Variants in SNTG2 observed in about 807,000 individuals in gnomAD.
SNTG2 encodes the protein gamma-2-syntrophin.
SNTG2 carries 74 observed loss-of-function variants against 70.9 expected under a neutral mutation model. The observed-to-expected ratio is 1.04, with a 90% CI of 0.86 to 1.27. The LOEUF (loss-of-function observed/expected upper bound fraction) is 1.27, where lower values mean the gene tolerates loss of function less well. Ranked by LOEUF, SNTG2 falls within the 50% of genes most tolerant of loss-of-function variation. The pLI, the probability that SNTG2 is intolerant of heterozygous loss-of-function variation, is 0.00. For missense variants in SNTG2, 717 were observed against 690.7 expected, an observed-to-expected ratio of 1.04 and a Z score of -0.43; for synonymous variants, 278 against 273.8, an observed-to-expected ratio of 1.02 and a Z score of -0.15.
rs1671927907 is a variant in SNTG2 at position 1,181,910 on chromosome 2, G to A, written c.591+8727G>A. On this transcript the variant is annotated intron_variant, in intron 8 of 16. Coordinates refer to ENST00000308624, the MANE Select transcript of SNTG2 (RefSeq NM_018968.4). ...ATCCTTACTAAACATTTATAATGAA[G>A]GAAAAATCCCACTCACATTAATATC... is the stretch of plus-strand genomic sequence containing the variant. 2.0e-5 allele frequency among the ~76,000 whole-genome samples: 3 copies of A among 152,094 alleles called. No individual in the cohort carries two copies. The South Asian group carries it at 6.2e-4, about 32-fold the overall frequency.
chr2:1,160,339 C>T (rs903179871), intron 6 of SNTG2: 3 of 152,018 alleles, frequency 2.0e-5, no homozygotes, highest in East Asian at 1.9e-4. Context: ...CTAGGGATCT[C>T]GTAGGTATAA....
At chr2:1,283,006 G>A (rs1237782326) in intron 14 of SNTG2, among the ~76,000 whole-genome samples, 1 of 152,194 alleles carries the variant, frequency 6.6e-6, no homozygotes, top group African/African-American at 2.4e-5. Context: ...GCCACGGAAG[G>A]TGAGTAGCTA....
At chr2:995,223 T>C (rs1426946319) in intron 1 of SNTG2, among the ~76,000 whole-genome samples, 2 of 152,082 alleles carry the variant, frequency 1.3e-5, no homozygotes, top group Non-Finnish European at 2.9e-5. Context: ...TTTTATCAGA[T>C]TGAGGAAGTT....
chr2:1,219,436 T>C (rs1432029038), intron 9 of SNTG2, among the ~76,000 whole-genome samples: 1 of 152,198 alleles, frequency 6.6e-6, no homozygotes, highest in Non-Finnish European at 1.5e-5. Flanking sequence ...GAAATTCAGA[T>C]TTGAGTGATT....
intron 16 of SNTG2, among the ~76,000 whole-genome samples, chr2:1,355,762 T>C (rs1044685467): frequency 6.6e-6 from 1 of 152,168 alleles, no homozygotes; most frequent in African/African-American, 2.4e-5. Context: ...GAAACCCCCA[T>C]ACTATTCATA....
chr2:970,796 G>T (rs905872270), intron 1 of SNTG2, among the ~76,000 whole-genome samples: 15 of 151,724 alleles, frequency 9.9e-5, no homozygotes, highest in Non-Finnish European at 1.9e-4. Context: ...TAATGGGATG[G>T]CTGGGTCAAA....
chr2:1,263,444 A>T (rs1280620574), intron 13 of SNTG2, among the ~76,000 whole-genome samples: 2 of 152,190 alleles, frequency 1.3e-5, no homozygotes, highest in East Asian at 3.8e-4. Context: ...TGTTGCTATA[A>T]TTGTTTCATA....
chr2:1,209,272 C>A lies in SNTG2; in HGVS notation c.719+42C>A, dbSNP rs560068704. On this transcript the variant is annotated intron_variant, in intron 9 of 16. Transcript: ENST00000308624. Reference sequence around the variant, plus strand: ...TGAGATGGGAAACTTTGATGAACCCCGTGCACTTTTGCCAGTTCCTACAGG... The same window carrying A: ...TGAGATGGGAAACTTTGATGAACCCAGTGCACTTTTGCCAGTTCCTACAGG... 18 of 1,611,898 alleles carry A rather than the reference C, an allele frequency of 1.1e-5. 1 individual carries two copies. The Admixed American group carries it at 2.0e-4, about 18-fold the overall frequency.
At chr2:1,270,618 A>C (rs1678969254) in intron 14 of SNTG2, among the ~76,000 whole-genome samples, 2 of 152,200 alleles carry the variant, frequency 1.3e-5, no homozygotes, top group African/African-American at 4.8e-5. Flanking sequence ...CTGCTGAAAC[A>C]TTCAGCCTCA....
At chr2:1,010,309 A>G (rs186287555) in intron 1 of SNTG2, among the ~76,000 whole-genome samples, 216 of 152,340 alleles carry the variant, frequency 1.4e-3, no homozygotes, top group Admixed American at 2.7e-3. Context: ...GAGGGAATAG[A>G]TAACATAAAT....
intron 1 of SNTG2, among the ~76,000 whole-genome samples, chr2:985,183 G>T (rs1661263837): frequency 1.3e-5 from 2 of 152,040 alleles, no homozygotes; most frequent in Non-Finnish European, 2.9e-5. Flanking sequence ...AAAACAGCAC[G>T]GACTCCCCTC....
chr2:1,313,298 T>C (rs1205834276), intron 15 of SNTG2, among the ~76,000 whole-genome samples: 1 of 152,232 alleles, frequency 6.6e-6, no homozygotes, highest in African/African-American at 2.4e-5. Context: ...GTTTTCTGTC[T>C]TCCAAGAGGG....
chr2:1,016,814 A>G (rs976159581), intron 1 of SNTG2, among the ~76,000 whole-genome samples: 33 of 152,338 alleles, frequency 2.2e-4, no homozygotes, highest in African/African-American at 6.5e-4. Flanking sequence ...ATGTAGCAAA[A>G]TTAGGCTCTG....
chr2:1,190,639 C>A (rs1281461454), intron 8 of SNTG2, among the ~76,000 whole-genome samples: 1 of 149,356 alleles, frequency 6.7e-6, no homozygotes, highest in African/African-American at 2.5e-5. Context: ...TTTACAATTA[C>A]AATAAAGGAC....
At chr2:1,021,932 T>C (rs1467847580) in intron 1 of SNTG2, among the ~76,000 whole-genome samples, 1 of 119,346 alleles carries the variant, frequency 8.4e-6, no homozygotes, top group Non-Finnish European at 1.8e-5. Flanking sequence ...TTTTGTTTTA[T>C]GTGCTTTTTT....
chr2:1,181,051 A>C (rs1284170800), intron 8 of SNTG2, among the ~76,000 whole-genome samples: 1 of 151,856 alleles, frequency 6.6e-6, no homozygotes. Flanking sequence ...GGAACATCAA[A>C]CTCTGGGGAC....
intron 14 of SNTG2, among the ~76,000 whole-genome samples, chr2:1,284,435 G>T (rs898636341): frequency 6.6e-6 from 1 of 152,176 alleles, no homozygotes; most frequent in African/African-American, 2.4e-5. Context: ...CTCGGTGATG[G>T]CAGGGAGATT....
At chr2:1,290,337 T>G (rs1679941034) in intron 14 of SNTG2, among the ~76,000 whole-genome samples, 1 of 148,176 alleles carries the variant, frequency 6.7e-6, no homozygotes, top group Non-Finnish European at 1.5e-5. Flanking sequence ...TTTTTTGAGA[T>G]GAACTTTCAC....
At position 1,356,967 on chromosome 2, in the gene SNTG2, C is replaced by T. The variant is rs1021832003; in HGVS notation, c.1489-10376C>T. 4.0e-5 allele frequency among the ~76,000 whole-genome samples: 6 copies of T among 150,830 alleles called. No individual in the cohort carries two copies. In the East Asian group the frequency reaches 7.7e-4, roughly 19 times the overall value. ...TTTTTTCTTAATGTCTATTTTGGAT[C>T]GTCTGTTGTTAGTGCGTAGAAATGC... is the stretch of plus-strand genomic sequence containing the variant. On this transcript the variant is annotated intron_variant, in intron 16 of 16. Transcript: ENST00000308624.
Sources: allele counts gnomAD v4.1 joint callset (sites outside exome capture counted in the v4.1 genomes callset), GRCh38; gene constraint gnomAD v4.1.1; transcripts MANE v1.5; gene names NCBI Gene and HGNC (gene_info 2026-07-23, HGNC 2026-07-21).